The following OTOGL variants were observed in gnomAD, a reference collection of about 807,000 sequenced individuals.
The protein encoded by OTOGL is otogelin like.
In OTOGL, 285 loss-of-function variants were observed where a neutral mutation model predicts 318.5. The observed-to-expected ratio is 0.89, with a 90% confidence interval of 0.81 to 0.99. OTOGL has a LOEUF of 0.99. OTOGL is among the 50% of genes least tolerant of loss of function. OTOGL has a pLI of 0.00. For missense variants in OTOGL, 2,899 were observed against 2,845.6 expected (o/e 1.02, Z -0.43); for synonymous variants, 987 against 936.5 (o/e 1.05, Z -0.99).
At chr12:80,237,522 G>A (rs118006800) in intron 9 of OTOGL, among the ~76,000 whole-genome samples, 1 of 152,084 alleles carries the variant, frequency 6.6e-6, no homozygotes, top group East Asian at 1.9e-4. Flanking sequence ...GAAGGAGGAA[G>A]AACAAGAGCA....
intron 1 of OTOGL, among the ~76,000 whole-genome samples, chr12:80,150,289 G>C (rs931315422): frequency 2.0e-5 from 3 of 152,034 alleles, no homozygotes; most frequent in Non-Finnish European, 4.4e-5. Context: ...TTTGAAAATG[G>C]TTTTCTTTCT....
chr12:80,258,590 G>T (rs1882266715), intron 18 of OTOGL, among the ~76,000 whole-genome samples: 1 of 152,114 alleles, frequency 6.6e-6, no homozygotes, highest in South Asian at 2.1e-4. Context: ...CGTGTGAAAA[G>T]AAGCAGTTTA....
At chr12:80,212,664 G>T (rs1877357612) in intron 4 of OTOGL, among the ~76,000 whole-genome samples, 1 of 152,100 alleles carries the variant, frequency 6.6e-6, no homozygotes, top group African/African-American at 2.4e-5. Flanking sequence ...CTTAGTAAAG[G>T]CATTTCTTTG....
At chr12:80,355,984 A>G (rs1566010633) in intron 47 of OTOGL, 36 bp downstream of exon 47, 1 of 1,580,902 alleles carries the variant, frequency 6.3e-7, no homozygotes, top group South Asian at 1.1e-5. Flanking sequence ...AATTGATTCC[A>G]CAAAATATGT....
At chr12:80,270,215 T>C in intron 23 of OTOGL, 61 bp downstream of exon 23, 1 of 1,375,166 alleles carries the variant, frequency 7.3e-7, no homozygotes, top group South Asian at 1.2e-5. Flanking sequence ...CCTCCACTCC[T>C]GGCAGAAGTC....
chr12:80,264,965 A>G (rs1882831084), intron 19 of OTOGL, 36 bp from the exon 20 acceptor site: 1 of 1,592,730 alleles, frequency 6.3e-7, no homozygotes, highest in East Asian at 2.2e-5. Flanking sequence ...TAAGATCTGA[A>G]CTGTTAAATA....
At chr12:80,264,590 A>G (rs1882797229) in intron 19 of OTOGL, among the ~76,000 whole-genome samples, 1 of 152,130 alleles carries the variant, frequency 6.6e-6, no homozygotes, top group Non-Finnish European at 1.5e-5. Context: ...TTCTTCCTAG[A>G]CAATTGTGTA....
At chr12:80,189,764 G>T (rs1244899998) in intron 1 of OTOGL, among the ~76,000 whole-genome samples, 1 of 152,204 alleles carries the variant, frequency 6.6e-6, no homozygotes, top group Non-Finnish European at 1.5e-5. Flanking sequence ...TCATTCACAA[G>T]GACAGCAGGT....
chr12:80,225,777 T>C (rs935213845), intron 7 of OTOGL, among the ~76,000 whole-genome samples: 1 of 152,162 alleles, frequency 6.6e-6, no homozygotes, highest in Non-Finnish European at 1.5e-5. Context: ...AATAAGTTAA[T>C]GATGTCCTAT....
chr12:80,195,816 G>T (rs1479198883), intron 1 of OTOGL, among the ~76,000 whole-genome samples: 1 of 152,232 alleles, frequency 6.6e-6, no homozygotes, highest in African/African-American at 2.4e-5. Context: ...ATTGGCCATA[G>T]TGGGAGTATT....
chr12:80,127,890 T>A (rs1233278795), intron 1 of OTOGL, among the ~76,000 whole-genome samples: 1 of 152,250 alleles, frequency 6.6e-6, no homozygotes, highest in Non-Finnish European at 1.5e-5. Context: ...TTTAGCTCCA[T>A]CAGGTCCTTT....
At chr12:80,262,513 C>T (rs931981682) in intron 19 of OTOGL, among the ~76,000 whole-genome samples, 2 of 151,964 alleles carry the variant, frequency 1.3e-5, no homozygotes, top group African/African-American at 4.8e-5. Flanking sequence ...GCTCATGAGC[C>T]CTACTCATAG....
chr12:80,280,252 T>C (rs1193097306), intron 26 of OTOGL, among the ~76,000 whole-genome samples: 3 of 151,704 alleles, frequency 2.0e-5, no homozygotes, highest in Non-Finnish European at 2.9e-5. Flanking sequence ...AGGTTTTCTG[T>C]TTATTTTGTG....
At chr12:80,350,288 C>A (rs1393980585) in intron 44 of OTOGL, among the ~76,000 whole-genome samples, 1 of 152,032 alleles carries the variant, frequency 6.6e-6, no homozygotes, top group East Asian at 1.9e-4. Flanking sequence ...ACCAAATTTT[C>A]TTTCTTCATT....
At chr12:80,127,343 T>G (rs973610803) in intron 1 of OTOGL, among the ~76,000 whole-genome samples, 6 of 152,170 alleles carry the variant, frequency 3.9e-5, no homozygotes, top group Non-Finnish European at 7.4e-5. Context: ...TGCAAATTCT[T>G]TTCTTTAAGA....
chr12:80,208,763 G>C (rs1011908764), intron 1 of OTOGL, among the ~76,000 whole-genome samples: 8 of 152,112 alleles, frequency 5.3e-5, no homozygotes, highest in Non-Finnish European at 1.2e-4. Flanking sequence ...TCAAAGTCAA[G>C]TATAGAATAT....
chr12:80,143,428 C>A (rs1041978315), intron 1 of OTOGL, among the ~76,000 whole-genome samples: 2 of 152,140 alleles, frequency 1.3e-5, no homozygotes, highest in Non-Finnish European at 2.9e-5. Context: ...TGCCTGTGTT[C>A]AAAGTGATCC....
At chr12:80,372,776 C>T (rs940833484) in intron 57 of OTOGL, among the ~76,000 whole-genome samples, 4 of 151,790 alleles carry the variant, frequency 2.6e-5, no homozygotes, top group African/African-American at 9.7e-5. Context: ...GCAACCTCTT[C>T]CTGCCGGGTC....
At chr12:80,361,911 A>T (rs1890258901) in intron 52 of OTOGL, among the ~76,000 whole-genome samples, 1 of 152,126 alleles carries the variant, frequency 6.6e-6, no homozygotes, top group African/African-American at 2.4e-5. Context: ...TTTCAAATAT[A>T]TTCTCTCACT....
Sources: gnomAD v4.1 joint callset for allele counts (sites outside exome capture counted in the v4.1 genomes callset) on GRCh38, gnomAD v4.1.1 for gene constraint, MANE v1.5 for transcripts, NCBI Gene and HGNC (gene_info 2026-07-23, HGNC 2026-07-21) for gene names.